The following LARGE1 variants were observed in gnomAD, a reference collection of about 807,000 sequenced individuals.
The protein encoded by LARGE1 is LARGE xylosyl- and glucuronyltransferase 1, also known as xylosyl- and glucuronyltransferase LARGE1.
A neutral mutation model predicts 87.6 loss-of-function variants in LARGE1; 43 were observed. That is an observed-to-expected ratio of 0.49 (90% CI 0.38 to 0.63). LARGE1 has a LOEUF of 0.63. Among genes scored for constraint, LARGE1 ranks in the 30% least tolerant of loss-of-function variants. The probability of loss-of-function intolerance (pLI) is 0.00; values close to 1 mark genes in which losing one functional copy is unlikely to be tolerated. For synonymous variants in LARGE1, 434 were observed against 394.6 expected (o/e 1.10, Z -1.18); for missense variants, 802 against 1,000.2 (o/e 0.80, Z 2.67).
At chr22:33,791,342 C>G (rs114066732) in intron 1 of LARGE1, among the ~76,000 whole-genome samples, 1 of 152,164 alleles carries the variant, frequency 6.6e-6, no homozygotes, top group East Asian at 1.9e-4. Flanking sequence ...CCTTTGGGGC[C>G]GTATACCCTA....
chr22:33,278,527 C>G (rs1444113227), intron 13 of LARGE1, among the ~76,000 whole-genome samples: 1 of 151,232 alleles, frequency 6.6e-6, no homozygotes, highest in Non-Finnish European at 1.5e-5. Context: ...TTACTGTGTA[C>G]TGGGACTATT....
the LARGE1 span, among the ~76,000 whole-genome samples, chr22:33,116,553 C>G: frequency 6.6e-6 from 1 of 151,050 alleles, no homozygotes; most frequent in Non-Finnish European, 1.5e-5. Context: ...TTAGTAGAGA[C>G]GGGGTTTCAC....
At chr22:33,142,621 C>G in the LARGE1 span, among the ~76,000 whole-genome samples, 1 of 152,080 alleles carries the variant, frequency 6.6e-6, no homozygotes, top group Non-Finnish European at 1.5e-5. Context: ...AAACCACAGG[C>G]TGTCCTTCCT....
At chr22:33,422,421 A>G (rs1345363118) in intron 7 of LARGE1, among the ~76,000 whole-genome samples, 1 of 152,058 alleles carries the variant, frequency 6.6e-6, no homozygotes, top group Non-Finnish European at 1.5e-5. Context: ...GGAAGCTTCC[A>G]ATCATGGCAG....
chr22:33,408,318 G>GAGT (rs1204940429), intron 7 of LARGE1, among the ~76,000 whole-genome samples: 4 of 152,158 alleles, frequency 2.6e-5, no homozygotes, highest in Non-Finnish European at 5.9e-5. Context: ...AAATAAGGAG[G>GAGT]AGTACATAAT....
At chr22:33,565,144 A>G (rs1284647137) in intron 5 of LARGE1, 125 bp from the exon 6 acceptor site, 4 of 859,024 alleles carry the variant, frequency 4.7e-6, no homozygotes, top group Admixed American at 2.3e-5. Context: ...TTTGTTGAAT[A>G]AATGAATGAG....
intron 2 of LARGE1, among the ~76,000 whole-genome samples, chr22:33,696,153 T>C (rs1658050102): frequency 6.6e-6 from 1 of 152,216 alleles, no homozygotes; most frequent in South Asian, 2.1e-4. Flanking sequence ...ATACCTGGGC[T>C]GTTTTTGCAA....
chr22:33,339,368 C>T (rs557034416), intron 9 of LARGE1, among the ~76,000 whole-genome samples: 8 of 151,428 alleles, frequency 5.3e-5, no homozygotes, highest in East Asian at 3.9e-4. Context: ...GGGGTCTTTC[C>T]GCACAAGGGG....
chr22:33,421,842 G>A (rs1034967096), intron 7 of LARGE1, among the ~76,000 whole-genome samples: 1 of 152,246 alleles, frequency 6.6e-6, no homozygotes, highest in South Asian at 2.1e-4. Context: ...CTGGGGGTAA[G>A]CAGGTGGAAG....
intron 6 of LARGE1, among the ~76,000 whole-genome samples, chr22:33,453,527 G>A (rs973723100): frequency 6.6e-6 from 1 of 152,174 alleles, no homozygotes; most frequent in Non-Finnish European, 1.5e-5. Context: ...AGTTTATAAA[G>A]CTACCAAGAA....
At chr22:33,721,181 G>A (rs570461652) in intron 2 of LARGE1, among the ~76,000 whole-genome samples, 2 of 152,298 alleles carry the variant, frequency 1.3e-5, no homozygotes, top group African/African-American at 4.8e-5. Context: ...AAGTGACTTT[G>A]GAACCAGGTA....
intron 2 of LARGE1, among the ~76,000 whole-genome samples, chr22:33,701,656 G>C (rs1216817103): frequency 6.6e-6 from 1 of 152,182 alleles, no homozygotes; most frequent in African/African-American, 2.4e-5. Context: ...CAAAAACGGG[G>C]ACACATCTCA....
intron 1 of LARGE1, among the ~76,000 whole-genome samples, chr22:33,904,443 C>G (rs1394969807): frequency 6.6e-6 from 1 of 152,178 alleles, no homozygotes; most frequent in African/African-American, 2.4e-5. Context: ...TATGAGCCAC[C>G]GCGCCTGGCC....
chr22:33,116,502 C>G, the LARGE1 span, among the ~76,000 whole-genome samples: 1 of 151,970 alleles, frequency 6.6e-6, no homozygotes, highest in Non-Finnish European at 1.5e-5. Flanking sequence ...CTACAGGCGC[C>G]CGCCACCACG....
chr22:33,170,454 T>A (rs917559403), intron 11 of LARGE1, among the ~76,000 whole-genome samples: 29 of 152,116 alleles, frequency 1.9e-4, no homozygotes, highest in Admixed American at 1.9e-3. Context: ...CCTACCCAAA[T>A]CTCATCTGGA....
At chr22:33,839,088 CTGAG>C (rs2146396228) in intron 1 of LARGE1, among the ~76,000 whole-genome samples, 1 of 152,254 alleles carries the variant, frequency 6.6e-6, no homozygotes, top group South Asian at 2.1e-4. Flanking sequence ...ATTCCTGAGG[CTGAG>C]TAACTTATAA....
At chr22:33,379,847 A>G (rs558546635) in intron 9 of LARGE1, among the ~76,000 whole-genome samples, 1 of 152,318 alleles carries the variant, frequency 6.6e-6, no homozygotes, top group African/African-American at 2.4e-5. Context: ...AAACTCAGGT[A>G]TAACCCAAAG....
At chr22:33,239,505 T>G (rs1267306498) in intron 11 of LARGE1, among the ~76,000 whole-genome samples, 1 of 151,924 alleles carries the variant, frequency 6.6e-6, no homozygotes, top group African/African-American at 2.4e-5. Flanking sequence ...TCACATCTTT[T>G]GTACGCCTTA....
chr22:33,264,430 G>A (rs867590032), intron 11 of LARGE1, among the ~76,000 whole-genome samples: 1 of 152,200 alleles, frequency 6.6e-6, no homozygotes, highest in Non-Finnish European at 1.5e-5. Flanking sequence ...AGGCCAAAGC[G>A]GGTGGATCAC....
Sources: gnomAD v4.1 joint callset for allele counts (sites outside exome capture counted in the v4.1 genomes callset) on GRCh38, gnomAD v4.1.1 for gene constraint, MANE v1.5 for transcripts, NCBI Gene and HGNC (gene_info 2026-07-23, HGNC 2026-07-21) for gene names.